The following RICTOR variants were observed in gnomAD, a reference collection of about 807,000 sequenced individuals.
RICTOR encodes the protein rapamycin-insensitive companion of mTOR.
RICTOR carries 49 observed loss-of-function variants against 214.9 expected under a neutral mutation model. The ratio of observed to expected loss-of-function variants is 0.23; its 90% CI spans 0.18 to 0.29. The LOEUF (loss-of-function observed/expected upper bound fraction) is 0.29. Among genes scored for constraint, RICTOR ranks in the 10% least tolerant of loss-of-function variants. The probability of loss-of-function intolerance (pLI) is 1.00; values close to 1 mark genes in which losing one functional copy is unlikely to be tolerated. For missense variants in RICTOR, 1,625 were observed against 2,047.0 expected, an observed-to-expected ratio of 0.79 and a Z score of 3.98; for synonymous variants, 717 against 711.3, an observed-to-expected ratio of 1.01 and a Z score of -0.13.
At chr5:39,060,051 C>G (rs949810429) in intron 2 of RICTOR, among the ~76,000 whole-genome samples, 3 of 151,986 alleles carry the variant, frequency 2.0e-5, no homozygotes, top group African/African-American at 7.2e-5. Flanking sequence ...GCAATCAGTA[C>G]CTTATTAGAT....
In RICTOR at chr5:38,999,036, A is replaced by AC. The variant is rs1753404479; in HGVS notation, c.393-2155_393-2154insG. On this transcript the variant is annotated intron_variant, in intron 5 of 37. Coordinates refer to ENST00000357387, the MANE Select transcript of RICTOR (RefSeq NM_152756.5). The stretch of plus-strand genomic sequence containing the variant: ...ATCTCAAACAAACAGGCAAAAAAAA[A>AC]AAAAAAAAAAAAAAACAAACCTAAA... Among the ~76,000 whole-genome samples, 5 of 145,964 alleles carry AC rather than the reference A, an allele frequency of 3.4e-5. No homozygotes were observed. The South Asian group carries it at 8.6e-4, about 25-fold the overall frequency.
intron 3 of RICTOR, among the ~76,000 whole-genome samples, chr5:39,006,530 C>G (rs1323401792): frequency 6.6e-6 from 1 of 151,682 alleles, no homozygotes; most frequent in East Asian, 1.9e-4. Context: ...ACATTGTAAC[C>G]ATACAGTATA....
intron 16 of RICTOR, 82 bp downstream of exon 16, chr5:38,964,710 T>C: frequency 1.5e-6 from 1 of 660,360 alleles, no homozygotes; most frequent in South Asian, 2.7e-5. Flanking sequence ...ATCCATACTA[T>C]TTTTTTTAAA....
At chr5:39,029,506 C>T (rs752362113) in intron 2 of RICTOR, among the ~76,000 whole-genome samples, 10 of 152,076 alleles carry the variant, frequency 6.6e-5, no homozygotes, top group Non-Finnish European at 1.5e-4. Context: ...GTTATCTTTA[C>T]CTGTCAATAA....
At chr5:39,061,117 C>T (rs1758511205) in intron 2 of RICTOR, among the ~76,000 whole-genome samples, 1 of 152,016 alleles carries the variant, frequency 6.6e-6, no homozygotes, top group Admixed American at 6.6e-5. Context: ...CCAATTAGAA[C>T]AATGCTGGAC....
intron 3 of RICTOR, among the ~76,000 whole-genome samples, chr5:39,007,338 A>T (rs762613717): frequency 6.6e-6 from 1 of 151,988 alleles, no homozygotes; most frequent in African/African-American, 2.4e-5. Context: ...TCCTATGTGT[A>T]TGTCTGTCTC....
intron 4 of RICTOR, among the ~76,000 whole-genome samples, chr5:39,003,119 T>G (rs1753772392): frequency 6.6e-6 from 1 of 152,144 alleles, no homozygotes; most frequent in African/African-American, 2.4e-5. Flanking sequence ...AGACCTTTTA[T>G]ATCAATTTTA....
intron 2 of RICTOR, among the ~76,000 whole-genome samples, chr5:39,032,609 C>T (rs1756351891): frequency 6.6e-6 from 1 of 152,098 alleles, no homozygotes; most frequent in African/African-American, 2.4e-5. Context: ...CAGGGCAAGC[C>T]ACTACCCCCA....
At position 38,958,478 on chromosome 5, in the gene RICTOR, G is replaced by A; in HGVS notation, c.2385C>T (p.Ser795=). ...HALIQMKPAL[S]HLGDKGLLLL... ...GAAGCAAACCCTTGTCTCCAAGGTG[G>A]GATAACGCTGGTTTCATCTGAATGA... Residue 795 remains serine, a synonymous_variant, in exon 24 of 38, where the codon TCC becomes TCT. Coordinates refer to ENST00000357387, the MANE Select transcript of RICTOR (RefSeq NM_152756.5). 2.5e-6 allele frequency: 4 copies of A among 1,611,956 alleles called. No homozygotes were observed. The highest frequency in any genetic ancestry group is 3.4e-6 in the Non-Finnish European group (4 of 1,178,298).
rs545183433 is a variant in RICTOR at position 38,972,339 on chromosome 5, T to C, written c.890-380A>G. On this transcript the variant is annotated intron_variant, in intron 10 of 37. Coordinates refer to ENST00000357387, the MANE Select transcript of RICTOR (RefSeq NM_152756.5). ...AGTGAAAAACTCTACTTGGCATTTATTAAAGTTCAATTCTAAAATATACTG... is the reference window on the plus strand; with the variant it reads ...AGTGAAAAACTCTACTTGGCATTTACTAAAGTTCAATTCTAAAATATACTG... Among the ~76,000 whole-genome samples the C allele has an allele frequency of 1.0e-3, 156 of 152,342 alleles. 1 individual carries two copies. The highest frequency in any genetic ancestry group is 0.01 in the Middle Eastern group (3 of 294).
Position 39,021,144 on chromosome 5 carries a change from G to A in RICTOR, c.98-8C>T, listed in dbSNP as rs756471877. On this transcript the variant is annotated splice_region_variant and splice_polypyrimidine_tract_variant and intron_variant, in intron 2 of 37. Transcript: ENST00000357387. ...TTAAGTTATCAGAAGGTTCTAGAAG[G>A]AAAGACAAGACAATTTAACACAATT... The A allele has an allele frequency of 1.4e-6, 2 of 1,415,436 alleles. No homozygotes were observed. The highest frequency in any genetic ancestry group is 1.4e-5 in the African/African-American group (1 of 70,972). The allele number at this position is 1,415,436 out of a possible 1,614,324, so 87.7% of individuals were successfully genotyped here. A position where few individuals can be genotyped will look rare whatever the true frequency, so the allele number is the denominator to read the frequency against.
Position 38,942,398 on chromosome 5 carries a change from T to A in RICTOR, c.5053-20A>T, listed in dbSNP as rs774051140. On this transcript the variant is annotated intron_variant, in intron 37 of 37. Transcript: ENST00000357387. ...ATGCATCTAGGGAAAAAATGGTGTATCATCAATTACTTTTATAAAAACAGA... is the reference window on the plus strand; with the variant it reads ...ATGCATCTAGGGAAAAAATGGTGTAACATCAATTACTTTTATAAAAACAGA... 2 of 1,511,042 alleles carry A rather than the reference T, an allele frequency of 1.3e-6. No individual in the cohort carries two copies. Among genetic ancestry groups the A allele is most frequent in the Admixed American group, 3.4e-5 (2 of 59,442 alleles). 93.6% of individuals were successfully genotyped at this position (1,511,042 alleles called of 1,614,324 possible).
chr5:38,952,931 C>T, intron 29 of RICTOR, 54 bp downstream of exon 29: 3 of 1,032,090 alleles, frequency 2.9e-6, no homozygotes, highest in Non-Finnish European at 4.5e-6. Flanking sequence ...CCCTAACATC[C>T]ATTTGTGAAT....
chr5:39,063,980 A>G (rs1758728806), intron 2 of RICTOR, among the ~76,000 whole-genome samples: 1 of 152,214 alleles, frequency 6.6e-6, no homozygotes, highest in Admixed American at 6.5e-5. Flanking sequence ...TTTATATTTT[A>G]TATAAATGTC....
At chr5:39,043,950 C>T (rs144493781) in intron 2 of RICTOR, among the ~76,000 whole-genome samples, 3 of 152,260 alleles carry the variant, frequency 2.0e-5, no homozygotes, top group Admixed American at 6.5e-5. Flanking sequence ...GCCTTCATAA[C>T]GGTAAGAACT....
chr5:38,990,707 A>ACATATATC (rs1752633821), intron 7 of RICTOR, among the ~76,000 whole-genome samples: 1 of 90,702 alleles, frequency 1.1e-5, no homozygotes, highest in Non-Finnish European at 2.2e-5. Context: ...TATATCAGAT[A>ACATATATC]TGATATATAT....
chr5:38,998,571 A>G (rs1753349960), intron 5 of RICTOR, among the ~76,000 whole-genome samples: 1 of 152,238 alleles, frequency 6.6e-6, no homozygotes, highest in Admixed American at 6.5e-5. Context: ...AGAACCAAAA[A>G]CTAAGAAAAG....
In RICTOR at chr5:38,949,815, A is replaced by C. The variant is rs747557548; in HGVS notation, c.4033T>G (p.Leu1345Val). Residue 1345 changes from leucine to valine, a missense_variant, in exon 31 of 38, where the codon TTA (leucine) becomes GTA (valine). Around this residue, in one of 5 missense-constraint regions of RICTOR, gnomAD observed 1,214 missense variants for 1,470.5 expected, o/e 0.83. Transcript: ENST00000357387. ...GATGCCAAAGCTTCAGAGTGAGATAAGGATGGATGCATTCTTTGTTGCTGT... is the reference window on the plus strand; with the variant it reads ...GATGCCAAAGCTTCAGAGTGAGATACGGATGGATGCATTCTTTGTTGCTGT... ...RLQQQRMHPS[L>V]SHSEALASPA... 141 of 1,613,424 alleles carry C rather than the reference A, an allele frequency of 8.7e-5. No individual in the cohort carries two copies. Among genetic ancestry groups the C allele is most frequent in the Non-Finnish European group, 1.2e-4 (137 of 1,179,570 alleles).
chr5:39,072,484 A>G (rs1759390008), intron 2 of RICTOR, among the ~76,000 whole-genome samples: 1 of 152,246 alleles, frequency 6.6e-6, no homozygotes, highest in Admixed American at 6.5e-5. Flanking sequence ...GCAGGTTTTT[A>G]ATGCACAAGT....
Sources: allele counts gnomAD v4.1 joint callset (sites outside exome capture counted in the v4.1 genomes callset), GRCh38; gene constraint gnomAD v4.1.1; regional missense constraint gnomAD v4.1.1; transcripts MANE v1.5; gene names NCBI Gene and HGNC (gene_info 2026-07-23, HGNC 2026-07-21).